ALDH6A1: variants seen among roughly 807,000 people sequenced by gnomAD.
ALDH6A1 encodes methylmalonate-semialdehyde/malonate-semialdehyde dehydrogenase [acylating], mitochondrial.
Under a neutral mutation model 62.6 loss-of-function variants are expected in ALDH6A1, and 43 were observed. That is an observed-to-expected ratio of 0.69 (90% CI 0.54 to 0.89). The LOEUF is 0.89. Among genes scored for constraint, ALDH6A1 ranks in the 40% least tolerant of loss-of-function variants. The pLI, the probability that ALDH6A1 is intolerant of heterozygous loss-of-function variation, is 0.00. For missense variants in ALDH6A1, 551 were observed against 661.3 expected (o/e 0.83, Z 1.83); for synonymous variants, 194 against 234.2 (o/e 0.83, Z 1.57).
Position 74,072,614 on chromosome 14 carries a change from GAAA to G in ALDH6A1, c.112-6_112-4del. 4.4e-6 allele frequency: 7 copies of G among 1,581,358 alleles called. No individual in the cohort carries two copies. The highest frequency in any genetic ancestry group is 6.0e-6 in the Non-Finnish European group (7 of 1,157,160). ...CCAATGAAGAGCTTTACAGTTGGCT[GAAA>G]AAAACAAACAAACAAACAAACAAAC... On this transcript the variant is annotated splice_polypyrimidine_tract_variant and splice_region_variant and intron_variant, in intron 2 of 11. Transcript: ENST00000553458.
intron 1 of ALDH6A1, 92 bp from the exon 2 acceptor site, chr14:74,075,109 A>G: frequency 8.7e-7 from 1 of 1,143,460 alleles, no homozygotes; most frequent in East Asian, 2.5e-5. Context: ...TTGCTATAGT[A>G]TATAGGGGGT....
intron 8 of ALDH6A1, 117 bp downstream of exon 8, chr14:74,067,263 G>T: frequency 1.7e-6 from 2 of 1,201,882 alleles, no homozygotes; most frequent in Non-Finnish European, 2.4e-6. Flanking sequence ...ACAGTATAAA[G>T]AGAGGAAATG....
At chr14:74,066,085 C>G (rs1315225792) in intron 9 of ALDH6A1, 1 of 153,964 alleles carries the variant, frequency 6.5e-6, no homozygotes, top group African/African-American at 2.4e-5. Flanking sequence ...TAAAAATTGA[C>G]AAGTCAATTA....
In ALDH6A1 at chr14:74,065,486, T is replaced by A. The variant is rs546384432; in HGVS notation, c.1225-126A>T. 4.6e-6 allele frequency: 4 copies of A among 870,434 alleles called. No homozygotes were observed. In the African/African-American group the frequency reaches 6.7e-5, roughly 15 times the overall value. The allele number at this position is 870,434 out of a possible 1,614,324, so 53.9% of individuals were successfully genotyped here. ...CAACTTTCATATTACTAATCTCTTT[T>A]CATTTCAAATCACCTATTTAAAAAA... On this transcript the variant is annotated intron_variant, in intron 9 of 11. Coordinates refer to ENST00000553458, the MANE Select transcript of ALDH6A1 (RefSeq NM_005589.4).
In ALDH6A1 at chr14:74,057,701, C is replaced by A. The variant is rs1313252703; in HGVS notation, c.*2941G>T. 3 of 1,255,282 alleles carry A rather than the reference C, an allele frequency of 2.4e-6. No homozygotes were observed. In the East Asian group the frequency reaches 1.7e-4, roughly 70 times the overall value. 77.8% of individuals were successfully genotyped at this position (1,255,282 alleles called of 1,614,324 possible). On this transcript the variant is annotated 3_prime_UTR_variant, in exon 12 of 12. Coordinates refer to ENST00000553458, the MANE Select transcript of ALDH6A1 (RefSeq NM_005589.4). ...AGTTTTTAATTTATAATTTGTTATT[C>A]ATAATTAGTACAATGTAGAATCTGA...
Position 74,057,528 on chromosome 14 carries a change from A to T in ALDH6A1, c.*3114T>A. 1 of 1,348,540 alleles carries T rather than the reference A, an allele frequency of 7.4e-7. No individual in the cohort carries two copies. Among genetic ancestry groups the T allele is most frequent in the Non-Finnish European group, 9.6e-7 (1 of 1,043,346 alleles). The allele number at this position is 1,348,540 out of a possible 1,614,324, so 83.5% of individuals were successfully genotyped here. ...AGTAAACAGCCTAGCCAAAATGTGTACTATCTTTTACGTAAGAGTAAACAT... is the reference window on the plus strand; with the variant it reads ...AGTAAACAGCCTAGCCAAAATGTGTTCTATCTTTTACGTAAGAGTAAACAT... On this transcript the variant is annotated 3_prime_UTR_variant, in exon 12 of 12. Coordinates refer to ENST00000553458, the MANE Select transcript of ALDH6A1 (RefSeq NM_005589.4).
In ALDH6A1 at chr14:74,064,902, TGG is replaced by T; in HGVS notation, c.1421_1422del (p.Pro474HisfsTer101). The T allele has an allele frequency of 6.2e-7, 1 of 1,613,996 alleles. No homozygotes were observed. The highest frequency in any genetic ancestry group is 8.5e-7 in the Non-Finnish European group (1 of 1,179,934). ...GAGAACATTGGCAAAGGCACTGGAA[TGG>T]GGACATTCACTCCCACCTAAAACAG... ...VDVGQVGVNV[P>X]IPVPLPMFSF... On this transcript the variant is annotated frameshift_variant, in exon 11 of 12. Coordinates refer to ENST00000553458, the MANE Select transcript of ALDH6A1 (RefSeq NM_005589.4). LOFTEE classifies it high-confidence loss of function.
chr14:74,077,519 G>A (rs2060625040), intron 1 of ALDH6A1, among the ~76,000 whole-genome samples: 1 of 152,146 alleles, frequency 6.6e-6, no homozygotes, highest in African/African-American at 2.4e-5. Flanking sequence ...GAAGATCAAA[G>A]GGGAAGCAGA....
chr14:74,072,017 C>T, intron 4 of ALDH6A1, 43 bp from the exon 5 acceptor site: 1 of 1,600,790 alleles, frequency 6.2e-7, no homozygotes, highest in South Asian at 1.1e-5. Flanking sequence ...CAAGAATGTT[C>T]CTCTTTTAAA....
In ALDH6A1 at chr14:74,057,622, A is replaced by AG; in HGVS notation, c.*3019dup. ...AGAGTCATTACAACCTAGAGGACAA[A>AG]GGCTTATAAGGAGATATGAAATGAT... On this transcript the variant is annotated 3_prime_UTR_variant, in exon 12 of 12. Coordinates refer to ENST00000553458, the MANE Select transcript of ALDH6A1 (RefSeq NM_005589.4). 1 of 1,334,012 alleles carries AG rather than the reference A, an allele frequency of 7.5e-7. No homozygotes were observed. The highest frequency in any genetic ancestry group is 1.3e-5 in the South Asian group (1 of 79,178). 82.6% of individuals were successfully genotyped at this position (1,334,012 alleles called of 1,614,324 possible). A position where few individuals can be genotyped will look rare whatever the true frequency, so the allele number is the denominator to read the frequency against.
rs891449814 is a variant in ALDH6A1 at position 74,057,899 on chromosome 14, G to GT, written c.*2742dup. The GT allele has an allele frequency of 2.0e-5, 20 of 995,118 alleles. No homozygotes were observed. In the South Asian group the frequency reaches 3.1e-4, roughly 15 times the overall value. The allele number at this position is 995,118 out of a possible 1,614,324, so 61.6% of individuals were successfully genotyped here. A position where few individuals can be genotyped will look rare whatever the true frequency, so the allele number is the denominator to read the frequency against. The stretch of plus-strand genomic sequence containing the variant: ...AGAGCATCACAGTTCTGATTAGTGT[G>GT]TTTTTTTAGAAGTGATTTCCCTTAA... On this transcript the variant is annotated 3_prime_UTR_variant, in exon 12 of 12. Coordinates refer to ENST00000553458, the MANE Select transcript of ALDH6A1 (RefSeq NM_005589.4).
In ALDH6A1 at chr14:74,071,962, T is replaced by C. The variant is rs751241296; in HGVS notation, c.361A>G (p.Lys121Glu). The change falls in exon 5 of 12, where the codon AAG becomes GAG. Residue 121 changes from lysine to glutamate, a missense_variant. Transcript: ENST00000553458. ...TTCCCTTGTTCCAATGTGATTAACTTGGCAATTTCTTTCTAGAGAGAAGAC... is the reference window on the plus strand; with the variant it reads ...TTCCCTTGTTCCAATGTGATTAACTCGGCAATTTCTTTCTAGAGAGAAGAC... ...LIKENLKEIA[K>E]LITLEQGKTL... 3.1e-6 allele frequency: 5 copies of C among 1,614,058 alleles called. No homozygotes were observed. Among genetic ancestry groups the C allele is most frequent in the Non-Finnish European group, 4.2e-6 (5 of 1,179,984 alleles).
intron 1 of ALDH6A1, 35 bp downstream of exon 1, chr14:74,084,312 T>C (rs754267616): frequency 2.5e-6 from 4 of 1,613,490 alleles, no homozygotes; most frequent in African/African-American, 2.7e-5. Flanking sequence ...ATCCAATTCC[T>C]AGCTTCATGG....
At chr14:74,069,962 C>A (rs562785484) in intron 6 of ALDH6A1, among the ~76,000 whole-genome samples, 7 of 150,594 alleles carry the variant, frequency 4.6e-5, no homozygotes, top group African/African-American at 1.7e-4. Context: ...AGCTGTCTTC[C>A]CACCTCATGG....
chr14:74,082,393 G>GTTTTTTTT (rs869211328), intron 1 of ALDH6A1, among the ~76,000 whole-genome samples: 1 of 77,568 alleles, frequency 1.3e-5, no homozygotes. Flanking sequence ...CAAAATCGAG[G>GTTTTTTTT]TTTTTTTTTT....
intron 11 of ALDH6A1, among the ~76,000 whole-genome samples, chr14:74,064,310 A>T (rs1015669184): frequency 6.4e-5 from 9 of 140,246 alleles, no homozygotes; most frequent in Middle Eastern, 3.6e-3. Context: ...AAAAAAAAAA[A>T]ATAATAATAA....
chr14:74,066,914 G>A (rs1283443526), intron 8 of ALDH6A1, 28 bp from the exon 9 acceptor site: 1 of 1,599,854 alleles, frequency 6.3e-7, no homozygotes, highest in South Asian at 1.1e-5. Context: ...AGAATTTAAG[G>A]TCCTCATTAA....
At chr14:74,063,448 G>A (rs960482069) in intron 11 of ALDH6A1, among the ~76,000 whole-genome samples, 1 of 151,916 alleles carries the variant, frequency 6.6e-6, no homozygotes, top group Non-Finnish European at 1.5e-5. Context: ...GCCTCCCAAA[G>A]TGCTGGGATT....
chr14:74,065,087 G>T, intron 10 of ALDH6A1, 94 bp downstream of exon 10: 2 of 1,483,526 alleles, frequency 1.3e-6, no homozygotes, highest in South Asian at 1.2e-5. Flanking sequence ...GGTCATGGGG[G>T]CAATCTTAAA....
Sources: gnomAD v4.1 joint callset for allele counts (sites outside exome capture counted in the v4.1 genomes callset) on GRCh38, gnomAD v4.1.1 for gene constraint, MANE v1.5 for transcripts, NCBI Gene and HGNC (gene_info 2026-07-23, HGNC 2026-07-21) for gene names.